The following SLC3A1 variants were observed in gnomAD, a reference collection of about 807,000 sequenced individuals.
SLC3A1 encodes the protein solute carrier family 3 member 1.
In SLC3A1, 78 loss-of-function variants were observed where a neutral mutation model predicts 60.3. That is an observed-to-expected ratio of 1.29 (90% CI 1.08 to 1.56). The LOEUF (loss-of-function observed/expected upper bound fraction) is 1.56, where lower values mean the gene tolerates loss of function less well. SLC3A1 is among the 40% of genes most tolerant of loss of function. SLC3A1 has a pLI of 0.00. For synonymous variants in SLC3A1, 392 were observed against 307.9 expected, an observed-to-expected ratio of 1.27 and a Z score of -2.86; for missense variants, 1,172 against 858.9, an observed-to-expected ratio of 1.36 and a Z score of -4.56.
rs1672817454 is a variant in SLC3A1, at chr2:44,320,306, T to C, written c.1725T>C (p.Asn575=). 3.1e-6 allele frequency: 5 copies of C among 1,614,130 alleles called. No individual in the cohort carries two copies. The highest frequency in any genetic ancestry group is 4.2e-6 in the Non-Finnish European group (5 of 1,179,972). The change falls in exon 10 of 10, where the codon AAT becomes AAC. Residue 575 remains asparagine, a synonymous_variant. Transcript: ENST00000260649. ...GGGGCTGGTTTTGCCATTTGAGGAATGACAGCCACTATGTTGTGTACACAA... is the reference window on the plus strand; with the variant it reads ...GGGGCTGGTTTTGCCATTTGAGGAACGACAGCCACTATGTTGTGTACACAA... The part of the protein sequence containing the change: ...LNRGWFCHLR[N]DSHYVVYTRE...
rs572277602 is a variant in SLC3A1, at chr2:44,275,546, A to G, written c.11A>G (p.Asp4Gly). 2.5e-6 allele frequency: 4 copies of G among 1,614,090 alleles called. No individual in the cohort carries two copies. The highest frequency in any genetic ancestry group is 3.3e-5 in the Admixed American group (2 of 59,994). MAE[D>G]KSKRDSIEMS... ...ATAAGTCGGTGAGACATGGCTGAAG[A>G]TAAAAGCAAGAGAGACTCCATCGAG... Residue 4 changes from aspartate (D) to glycine (G), a missense_variant, in exon 1 of 10, where the codon GAT becomes GGT. By Grantham distance (94) the Asp-to-Gly change is moderately conservative. Transcript: ENST00000260649.
At chr2:44,287,224 GA>G (rs1444417564) in intron 4 of SLC3A1, among the ~76,000 whole-genome samples, 1 of 152,190 alleles carries the variant, frequency 6.6e-6, no homozygotes, top group East Asian at 1.9e-4. Flanking sequence ...ATGCCAAGGG[GA>G]AGGGGCATCG....
In SLC3A1 at chr2:44,299,908, T is replaced by C. The variant is rs1671958911; in HGVS notation, c.892-63T>C. 10 of 1,573,312 alleles carry C rather than the reference T, an allele frequency of 6.4e-6. No homozygotes were observed. The East Asian group carries it at 2.0e-4, about 32-fold the overall frequency. On this transcript the variant is annotated intron_variant, in intron 4 of 9. Coordinates refer to ENST00000260649, the MANE Select transcript of SLC3A1 (RefSeq NM_000341.4). ...GCCAAGTTGTTAACAGTCAAAACTT[T>C]GATTAAACGTTGTGATAATAACGTA...
chr2:44,299,213 A>T (rs949711089), intron 4 of SLC3A1, among the ~76,000 whole-genome samples: 1 of 151,356 alleles, frequency 6.6e-6, no homozygotes, highest in Admixed American at 6.6e-5. Context: ...TACTTTTTGT[A>T]TTTTTAGTAG....
At chr2:44,277,845 T>C (rs1165074820) in intron 1 of SLC3A1, among the ~76,000 whole-genome samples, 2 of 152,248 alleles carry the variant, frequency 1.3e-5, no homozygotes. Flanking sequence ...AATGTTTTAC[T>C]TCCTGCAATC....
At position 44,301,110 on chromosome 2, in the gene SLC3A1, G is replaced by A. The variant is rs772223467; in HGVS notation, c.1119G>A (p.Thr373=). The A allele has an allele frequency of 1.9e-5, 30 of 1,611,584 alleles. No homozygotes were observed. In the Admixed American group the frequency reaches 2.7e-4, roughly 14 times the overall value. Residue 373 remains threonine (T), a synonymous_variant, in exon 6 of 10, where the codon ACG becomes ACA. Coordinates refer to ENST00000260649, the MANE Select transcript of SLC3A1 (RefSeq NM_000341.4). Reference sequence around the variant, plus strand: ...GGCAGACCATGGACCAATACAGCACGGAGCCCGGCAGATACAGGTTGACCA... The same window carrying A: ...GGCAGACCATGGACCAATACAGCACAGAGCCCGGCAGATACAGGTTGACCA... ...SFRQTMDQYS[T]EPGRYRFMGT...
intron 6 of SLC3A1, among the ~76,000 whole-genome samples, chr2:44,301,683 G>A (rs776135253): frequency 5.4e-4 from 78 of 145,326 alleles, no homozygotes; most frequent in Middle Eastern, 3.8e-3. Context: ...AGGTTGCAGC[G>A]AGTCAAGATT....
At chr2:44,313,581 G>A (rs1672350744) in intron 8 of SLC3A1, among the ~76,000 whole-genome samples, 2 of 152,202 alleles carry the variant, frequency 1.3e-5, no homozygotes, top group African/African-American at 2.4e-5. Flanking sequence ...AAAAGCAGCA[G>A]AGATTTCAAG....
chr2:44,314,137 T>C, intron 9 of SLC3A1, 186 bp downstream of exon 9: 1 of 1,383,280 alleles, frequency 7.2e-7, no homozygotes, highest in Non-Finnish European at 9.9e-7. Flanking sequence ...TACAAACTGG[T>C]ACAAATCTAC....
In SLC3A1 at chr2:44,281,125, TTCCCCTCCCC is replaced by T. The variant is rs566867334; in HGVS notation, c.610+243_611-240del. Among the ~76,000 whole-genome samples, 20 of 147,378 alleles carry T rather than the reference TTCCCCTCCCC, an allele frequency of 1.4e-4. No individual in the cohort carries two copies. In the East Asian group the frequency reaches 4.0e-3, roughly 29 times the overall value. ...CCTTTTTCCTTCCCTATCTCCTTTC[TTCCCCTCCCC>T]TCCCCTCCCCTCTCCTTTCCCTGCT... On this transcript the variant is annotated intron_variant, in intron 2 of 9. Transcript: ENST00000260649.
At chr2:44,292,356 T>C (rs1671758237) in intron 4 of SLC3A1, among the ~76,000 whole-genome samples, 1 of 152,192 alleles carries the variant, frequency 6.6e-6, no homozygotes, top group Non-Finnish European at 1.5e-5. Flanking sequence ...GCCATCTCTA[T>C]GCTTGATAAT....
At chr2:44,311,440 T>G (rs981710011) in intron 7 of SLC3A1, among the ~76,000 whole-genome samples, 1 of 152,188 alleles carries the variant, frequency 6.6e-6, no homozygotes, top group African/African-American at 2.4e-5. Flanking sequence ...CTGTTTTCTT[T>G]GACTGTTTTG....
intron 4 of SLC3A1, among the ~76,000 whole-genome samples, chr2:44,299,476 C>T (rs1388528563): frequency 6.6e-6 from 1 of 152,142 alleles, no homozygotes; most frequent in Non-Finnish European, 1.5e-5. Context: ...TTCCATATTA[C>T]TCCTAGCAGG....
At chr2:44,299,148 C>T (rs534372238) in intron 4 of SLC3A1, among the ~76,000 whole-genome samples, 61 of 151,768 alleles carry the variant, frequency 4.0e-4, no homozygotes, top group African/African-American at 1.4e-3. Context: ...AAGTGATTCT[C>T]CTGCCTCGGC....
chr2:44,321,396 GT>G lies in SLC3A1; in HGVS notation c.*758del. 1.2e-6 allele frequency: 2 copies of G among 1,612,766 alleles called. No individual in the cohort carries two copies. The highest frequency in any genetic ancestry group is 1.7e-6 in the Non-Finnish European group (2 of 1,179,046). ...TTTCTTAAGATCCTCGAAAACACTG[GT>G]GCTGTCAAGTCCAAGTTCCTCGTAC... On this transcript the variant is annotated 3_prime_UTR_variant, in exon 10 of 10. Transcript: ENST00000260649.
chr2:44,320,976 G>C lies in SLC3A1; in HGVS notation c.*337G>C. ...TTAAAATGCAGTCATAGAAATTAGA[G>C]GATGACTCACTGCCACAGTGTCTAA... On this transcript the variant is annotated 3_prime_UTR_variant, in exon 10 of 10. Coordinates refer to ENST00000260649, the MANE Select transcript of SLC3A1 (RefSeq NM_000341.4). 1 of 397,984 alleles carries C rather than the reference G, an allele frequency of 2.5e-6. No individual in the cohort carries two copies. The highest frequency in any genetic ancestry group is 5.5e-5 in the East Asian group (1 of 18,096). The allele number at this position is 397,984 out of a possible 1,614,324, so 24.7% of individuals were successfully genotyped here.
Position 44,281,483 on chromosome 2 carries a change from A to T in SLC3A1, c.707A>T (p.Tyr236Phe). ...SRTRTGKYTDYYIWHDCTHEN... is the reference protein window; with the variant it reads ...SRTRTGKYTDFYIWHDCTHEN... ...ACACGGACAGGAAAATATACTGATT[A>T]TTATATCTGGCATGACTGTACCCAT... is the stretch of plus-strand genomic sequence containing the variant. Residue 236 changes from tyrosine to phenylalanine, a missense_variant, in exon 3 of 10, where the codon TAT (tyrosine) becomes TTT (phenylalanine). By Grantham distance (22) the Tyr-to-Phe change is conservative. Transcript: ENST00000260649. The T allele has an allele frequency of 1.2e-6, 2 of 1,613,944 alleles. No individual in the cohort carries two copies. The highest frequency in any genetic ancestry group is 1.7e-6 in the Non-Finnish European group (2 of 1,179,802).
chr2:44,280,944 C>T, intron 2 of SLC3A1, 49 bp downstream of exon 2: 1 of 1,504,350 alleles, frequency 6.6e-7, no homozygotes. Context: ...TTGAGAGAAG[C>T]ACTTTTTCAA....
intron 9 of SLC3A1, among the ~76,000 whole-genome samples, chr2:44,316,816 G>C (rs1672477815): frequency 6.6e-6 from 1 of 152,172 alleles, no homozygotes; most frequent in Non-Finnish European, 1.5e-5. Flanking sequence ...AGATGGAAAA[G>C]CAAGGACCCA....
Sources: gnomAD v4.1 joint callset for allele counts (sites outside exome capture counted in the v4.1 genomes callset) on GRCh38, gnomAD v4.1.1 for gene constraint, MANE v1.5 for transcripts, NCBI Gene and HGNC (gene_info 2026-07-23, HGNC 2026-07-21) for gene names.